Variants in PTPRO observed in about 807,000 individuals in gnomAD.
PTPRO encodes receptor-type tyrosine-protein phosphatase O.
A neutral mutation model predicts 145.2 loss-of-function variants in PTPRO; 62 were observed. That is an observed-to-expected ratio of 0.43 (90% CI 0.35 to 0.53). The LOEUF is 0.53. Ranked by LOEUF, PTPRO falls within the 20% of genes least tolerant of loss-of-function variation. PTPRO has a pLI of 0.01. For missense variants in PTPRO, 1,345 were observed against 1,482.7 expected (o/e 0.91, Z 1.53); for synonymous variants, 565 against 514.7 (o/e 1.10, Z -1.32).
intron 12 of PTPRO, 25 bp downstream of exon 12, chr12:15,526,287 T>C: frequency 6.2e-7 from 1 of 1,612,556 alleles, no homozygotes. Context: ...CAGAGATGGG[T>C]GTGAAATAAT....
At chr12:15,531,858 C>A (rs1305831429) in intron 12 of PTPRO, among the ~76,000 whole-genome samples, 1 of 152,158 alleles carries the variant, frequency 6.6e-6, no homozygotes, top group African/African-American at 2.4e-5. Context: ...TTTAAGATGT[C>A]TGCTAATTTT....
chr12:15,535,544 G>C (rs1243860957), intron 12 of PTPRO, among the ~76,000 whole-genome samples: 1 of 152,222 alleles, frequency 6.6e-6, no homozygotes, highest in East Asian at 1.9e-4. Flanking sequence ...TTTAGTGCTA[G>C]GAGAGCTTTT....
chr12:15,552,569 T>A (rs1224035178), intron 15 of PTPRO, among the ~76,000 whole-genome samples: 1 of 152,188 alleles, frequency 6.6e-6, no homozygotes, highest in East Asian at 1.9e-4. Context: ...CTTACCTAAC[T>A]GGATATATGA....
intron 1 of PTPRO, among the ~76,000 whole-genome samples, chr12:15,396,120 T>C (rs537475481): frequency 1.6e-4 from 25 of 152,330 alleles, no homozygotes; most frequent in Middle Eastern, 3.4e-3. Flanking sequence ...TATTGCTTTT[T>C]ATTCATAGAG....
intron 2 of PTPRO, among the ~76,000 whole-genome samples, chr12:15,492,973 G>T (rs1034195592): frequency 6.6e-6 from 1 of 152,146 alleles, no homozygotes; most frequent in Non-Finnish European, 1.5e-5. Context: ...TTCCAACTAA[G>T]TACCTAATAG....
chr12:15,397,078 A>G (rs907270452), intron 1 of PTPRO, among the ~76,000 whole-genome samples: 2 of 152,136 alleles, frequency 1.3e-5, no homozygotes, highest in Admixed American at 6.5e-5. Context: ...AATTGTCCTC[A>G]ATAGAAAGTT....
intron 1 of PTPRO, among the ~76,000 whole-genome samples, chr12:15,388,806 G>T (rs757667279): frequency 6.6e-6 from 1 of 152,002 alleles, no homozygotes; most frequent in Non-Finnish European, 1.5e-5. Context: ...AAATAATTTT[G>T]TTCTCTGAAA....
chr12:15,400,614 G>C (rs1227543254), intron 1 of PTPRO, among the ~76,000 whole-genome samples: 3 of 152,116 alleles, frequency 2.0e-5, no homozygotes, highest in Admixed American at 6.5e-5. Flanking sequence ...ATCATGACAG[G>C]CTTTCATCAT....
intron 13 of PTPRO, among the ~76,000 whole-genome samples, chr12:15,548,780 TA>T (rs1259079747): frequency 1.3e-5 from 2 of 152,044 alleles, no homozygotes; most frequent in South Asian, 2.1e-4. Context: ...ATAGCTAAGG[TA>T]AAAAAATTAG....
At chr12:15,458,139 T>C (rs757160443) in intron 1 of PTPRO, among the ~76,000 whole-genome samples, 1 of 152,180 alleles carries the variant, frequency 6.6e-6, no homozygotes, top group Non-Finnish European at 1.5e-5. Context: ...GTGTTCTTAG[T>C]TGACAGATTT....
At position 15,524,891 on chromosome 12, in the gene PTPRO, A is replaced by G. The variant is rs151280331; in HGVS notation, c.1969A>G (p.Thr657Ala). The change falls in exon 11 of 27, where the codon ACA (threonine) becomes GCA (alanine). Residue 657 changes from threonine (T) to alanine (A), a missense_variant. By Grantham distance (58) the Thr-to-Ala change is moderately conservative. Transcript: ENST00000281171. The stretch of plus-strand genomic sequence containing the variant: ...TATCAGTTGGACATATGGGGATGAT[A>G]CAACGGACTTGTCCCATTCTAGAAT... ...LYISWTYGDD[T>A]TDLSHSRMLH... 3 of 1,613,682 alleles carry G rather than the reference A, an allele frequency of 1.9e-6. No individual in the cohort carries two copies. The highest frequency in any genetic ancestry group is 1.6e-4 in the Middle Eastern group (1 of 6,062).
chr12:15,356,733 A>G (rs1001842655), intron 1 of PTPRO, among the ~76,000 whole-genome samples: 1 of 152,200 alleles, frequency 6.6e-6, no homozygotes, highest in African/African-American at 2.4e-5. Flanking sequence ...ATTTCTTTAT[A>G]TGGATGAAAT....
At chr12:15,484,867 A>C (rs889127804) in intron 2 of PTPRO, among the ~76,000 whole-genome samples, 2 of 152,160 alleles carry the variant, frequency 1.3e-5, no homozygotes, top group African/African-American at 4.8e-5. Flanking sequence ...TTTTAACTCC[A>C]TGTGATTTTT....
At chr12:15,366,473 G>A (rs1938365605) in intron 1 of PTPRO, among the ~76,000 whole-genome samples, 1 of 152,062 alleles carries the variant, frequency 6.6e-6, no homozygotes, top group Non-Finnish European at 1.5e-5. Context: ...TTGTTGAAAA[G>A]CATAGTTCAA....
chr12:15,373,727 G>C (rs1280312494), intron 1 of PTPRO, among the ~76,000 whole-genome samples: 1 of 152,052 alleles, frequency 6.6e-6, no homozygotes, highest in Non-Finnish European at 1.5e-5. Context: ...AATAAATATT[G>C]ACTTCATCCT....
At position 15,503,925 on chromosome 12, in the gene PTPRO, T is replaced by C. The variant is rs1267319682; in HGVS notation, c.1123T>C (p.Leu375=). ...IEREENFTEY[L]MVDEEAHEFV... is the part of the protein sequence containing the mutation. ...TGATTTAGAGAACTTTACTGAATAT[T>C]TGATGGTGGATGAAGAAGCACATGA... Residue 375 remains leucine (L), a synonymous_variant, in exon 6 of 27, where the codon TTG becomes CTG. Coordinates refer to ENST00000281171, the MANE Select transcript of PTPRO (RefSeq NM_030667.3). 1 of 1,581,048 alleles carries C rather than the reference T, an allele frequency of 6.3e-7. No homozygotes were observed. Among genetic ancestry groups the C allele is most frequent in the Non-Finnish European group, 8.7e-7 (1 of 1,150,494 alleles).
chr12:15,448,644 T>C (rs544038371), intron 1 of PTPRO, among the ~76,000 whole-genome samples: 2 of 152,160 alleles, frequency 1.3e-5, no homozygotes, highest in African/African-American at 4.8e-5. Flanking sequence ...AAAATAAAAC[T>C]ACCATATAAT....
intron 6 of PTPRO, among the ~76,000 whole-genome samples, chr12:15,506,192 A>G (rs74759694): frequency 0.016 from 2,503 of 152,296 alleles, 58 homozygotes; most frequent in African/African-American, 0.055. Context: ...CCCCCACTAC[A>G]CTAGTACTCT....
chr12:15,408,424 C>T (rs1456289860), intron 1 of PTPRO, among the ~76,000 whole-genome samples: 2 of 151,608 alleles, frequency 1.3e-5, no homozygotes, highest in Non-Finnish European at 2.9e-5. Context: ...TTTTTGTTTT[C>T]GTTGTTGTTG....
Sources: allele counts gnomAD v4.1 joint callset (sites outside exome capture counted in the v4.1 genomes callset), GRCh38; gene constraint gnomAD v4.1.1; transcripts MANE v1.5; gene names NCBI Gene and HGNC (gene_info 2026-07-23, HGNC 2026-07-21).